KCNIP4: variants seen among roughly 807,000 people sequenced by gnomAD.
KCNIP4 encodes the protein potassium voltage-gated channel interacting protein 4, also known as Kv channel-interacting protein 4.
A neutral mutation model predicts 34.0 loss-of-function variants in KCNIP4; 12 were observed. The ratio of observed to expected loss-of-function variants is 0.35; its 90% CI spans 0.23 to 0.57. The LOEUF (loss-of-function observed/expected upper bound fraction) is 0.57. Among genes scored for constraint, KCNIP4 ranks in the 20% least tolerant of loss-of-function variants. KCNIP4 has a pLI of 0.83. For missense variants in KCNIP4, 238 were observed against 311.7 expected, an observed-to-expected ratio of 0.76 and a Z score of 1.78; for synonymous variants, 124 against 102.2, an observed-to-expected ratio of 1.21 and a Z score of -1.29.
At chr4:21,816,513 C>T (rs757190526) in intron 1 of KCNIP4, among the ~76,000 whole-genome samples, 5 of 152,158 alleles carry the variant, frequency 3.3e-5, no homozygotes, top group Non-Finnish European at 5.9e-5. Flanking sequence ...AGAGCTTTAG[C>T]GTTTCAGACA....
chr4:20,996,643 C>T (rs1366674433), intron 1 of KCNIP4, among the ~76,000 whole-genome samples: 1 of 152,158 alleles, frequency 6.6e-6, no homozygotes, highest in Non-Finnish European at 1.5e-5. Flanking sequence ...TCAGAGAGGC[C>T]TTTCCTGACC....
At chr4:21,579,095 C>G (rs1328534425) in intron 1 of KCNIP4, among the ~76,000 whole-genome samples, 1 of 152,134 alleles carries the variant, frequency 6.6e-6, no homozygotes, top group Non-Finnish European at 1.5e-5. Context: ...AAGACTGCTT[C>G]ATATAAAGCA....
intron 1 of KCNIP4, among the ~76,000 whole-genome samples, chr4:21,528,847 G>A (rs1205292898): frequency 6.8e-6 from 1 of 146,432 alleles, no homozygotes; most frequent in Non-Finnish European, 1.5e-5. Flanking sequence ...AAGGAAGGAA[G>A]GAAGGAAGGA....
intron 1 of KCNIP4, among the ~76,000 whole-genome samples, chr4:21,021,893 T>C (rs1740097319): frequency 6.6e-6 from 1 of 151,846 alleles, no homozygotes; most frequent in South Asian, 2.1e-4. Context: ...TAGTATAGTA[T>C]AGTATAGTAT....
chr4:21,775,150 T>C (rs780733225), intron 1 of KCNIP4, among the ~76,000 whole-genome samples: 3 of 152,068 alleles, frequency 2.0e-5, no homozygotes, highest in Non-Finnish European at 4.4e-5. Flanking sequence ...CTTTTTTTGG[T>C]TGGTGGTGTT....
chr4:20,926,754 C>T (rs984741685), intron 1 of KCNIP4, among the ~76,000 whole-genome samples: 2 of 152,180 alleles, frequency 1.3e-5, no homozygotes, highest in Non-Finnish European at 2.9e-5. Flanking sequence ...ACATACTGAA[C>T]TGCCTGGACA....
chr4:21,720,019 GAGA>G (rs1714687272), intron 1 of KCNIP4, among the ~76,000 whole-genome samples: 1 of 105,274 alleles, frequency 9.5e-6, no homozygotes, highest in Non-Finnish European at 1.6e-5. Context: ...GAAGAAGAAG[GAGA>G]AGGAGAAGGA....
At chr4:21,217,312 G>A (rs553681505) in intron 1 of KCNIP4, among the ~76,000 whole-genome samples, 3 of 152,262 alleles carry the variant, frequency 2.0e-5, no homozygotes, top group Admixed American at 6.5e-5. Context: ...CAAAAGGCAT[G>A]AAAGCAAGAC....
intron 2 of KCNIP4, among the ~76,000 whole-genome samples, chr4:20,863,794 C>A (rs751768162): frequency 2.6e-5 from 4 of 151,950 alleles, no homozygotes; most frequent in Non-Finnish European, 5.9e-5. Context: ...GTACAACAAA[C>A]CTCTGTGACA....
intron 1 of KCNIP4, among the ~76,000 whole-genome samples, chr4:21,725,444 G>T (rs1435144698): frequency 1.3e-5 from 2 of 152,104 alleles, no homozygotes; most frequent in Non-Finnish European, 2.9e-5. Flanking sequence ...ACGAAGTAAG[G>T]CCACTGCCAG....
chr4:21,899,323 T>C (rs1560797310), intron 1 of KCNIP4, among the ~76,000 whole-genome samples: 1 of 152,128 alleles, frequency 6.6e-6, no homozygotes, highest in Admixed American at 6.6e-5. Flanking sequence ...AATCCCCAGA[T>C]GGTATCACGC....
chr4:21,548,817 C>T (rs924329144), intron 1 of KCNIP4, among the ~76,000 whole-genome samples: 24 of 152,114 alleles, frequency 1.6e-4, no homozygotes, highest in African/African-American at 4.8e-4. Context: ...CCCTCTCTCA[C>T]CTATAAATTA....
intron 1 of KCNIP4, among the ~76,000 whole-genome samples, chr4:21,447,059 C>G (rs552716108): frequency 6.6e-6 from 1 of 152,064 alleles, no homozygotes; most frequent in Non-Finnish European, 1.5e-5. Context: ...AGCCTGTCGG[C>G]CTGCCCTACA....
At chr4:21,825,073 T>C (rs1722592938) in intron 1 of KCNIP4, among the ~76,000 whole-genome samples, 1 of 152,168 alleles carries the variant, frequency 6.6e-6, no homozygotes. Flanking sequence ...ATTTTGGTAG[T>C]GTTCAAGCTT....
At chr4:20,887,906 C>T (rs1010414073) in intron 1 of KCNIP4, among the ~76,000 whole-genome samples, 2 of 151,980 alleles carry the variant, frequency 1.3e-5, no homozygotes, top group Non-Finnish European at 2.9e-5. Context: ...GAGTTTATTA[C>T]ATTTGTAGAT....
chr4:21,109,757 A>G (rs1234963352), intron 1 of KCNIP4, among the ~76,000 whole-genome samples: 2 of 152,074 alleles, frequency 1.3e-5, no homozygotes, highest in African/African-American at 4.8e-5. Flanking sequence ...GCCCTCCCGT[A>G]TATGGAGCAT....
intron 1 of KCNIP4, among the ~76,000 whole-genome samples, chr4:21,093,965 C>T (rs1333842150): frequency 2.6e-5 from 4 of 151,950 alleles, no homozygotes; most frequent in Admixed American, 2.6e-4. Flanking sequence ...GCCTGTAGTC[C>T]CAGCTACTCA....
At position 21,374,425 on chromosome 4, in the gene KCNIP4, TGAG is replaced by T. The variant is rs372371128; in HGVS notation, c.62-491719_62-491717del. On this transcript the variant is annotated intron_variant, in intron 1 of 8. Transcript: ENST00000382152. Reference sequence around the variant, plus strand: ...ATCTAGTGAGACATATTCACTACCATGAGAACAGTATGCGGGAAACCATACCCA... The same window carrying T: ...ATCTAGTGAGACATATTCACTACCATAACAGTATGCGGGAAACCATACCCA... 3.9e-4 allele frequency among the ~76,000 whole-genome samples: 58 copies of T among 146,964 alleles called. 5 individuals carry two copies. The East Asian group carries it at 9.8e-3, about 25-fold the overall frequency.
At chr4:21,212,346 T>A (rs1165436753) in intron 1 of KCNIP4, among the ~76,000 whole-genome samples, 1 of 152,170 alleles carries the variant, frequency 6.6e-6, no homozygotes, top group Non-Finnish European at 1.5e-5. Context: ...ACATTTGCAC[T>A]CAAAAAGATT....
Sources: allele counts gnomAD v4.1 joint callset (sites outside exome capture counted in the v4.1 genomes callset), GRCh38; gene constraint gnomAD v4.1.1; transcripts MANE v1.5; gene names NCBI Gene and HGNC (gene_info 2026-07-23, HGNC 2026-07-21).